The following LRP2 variants were observed in gnomAD, a reference collection of about 807,000 sequenced individuals.
LRP2 encodes LDL receptor related protein 2, also known as low-density lipoprotein receptor-related protein 2.
In LRP2, 172 loss-of-function variants were observed where a neutral mutation model predicts 531.0. The observed-to-expected ratio is 0.32, with a 90% CI of 0.29 to 0.37. The LOEUF is 0.37. LRP2 is among the 10% of genes least tolerant of loss of function. The probability of loss-of-function intolerance (pLI) is 1.00; values close to 1 mark genes in which losing one functional copy is unlikely to be tolerated. For missense variants in LRP2, 5,167 were observed against 5,868.3 expected, an observed-to-expected ratio of 0.88 and a Z score of 3.90; for synonymous variants, 1,992 against 2,027.6, an observed-to-expected ratio of 0.98 and a Z score of 0.47.
chr2:169,195,216 T>C (rs1687966227), intron 46 of LRP2, among the ~76,000 whole-genome samples: 1 of 152,166 alleles, frequency 6.6e-6, no homozygotes, highest in African/African-American at 2.4e-5. Flanking sequence ...AAATATTCTT[T>C]GGCAGTGTAC....
intron 19 of LRP2, among the ~76,000 whole-genome samples, chr2:169,254,693 T>C (rs1334982938): frequency 6.7e-6 from 1 of 149,828 alleles, no homozygotes; most frequent in Non-Finnish European, 1.5e-5. Context: ...ATTATTGCTA[T>C]TTTGGGAATG....
intron 28 of LRP2, among the ~76,000 whole-genome samples, chr2:169,236,623 G>T (rs1388565892): frequency 3.9e-5 from 6 of 152,104 alleles, no homozygotes; most frequent in Non-Finnish European, 8.8e-5. Context: ...CAAACACATG[G>T]GAGAATTTCT....
rs746047600 is a variant in LRP2, at chr2:169,170,638, G to T, written c.11293C>A (p.Arg3765=). ...GGAATGCACTGCTGATTGACACATC[G>T]AAACTCGCTCTCTGTGCACTCCCGG... is the stretch of plus-strand genomic sequence containing the variant. The part of the protein sequence containing the change: ...APRECTESEF[R]CVNQQCIPSR... The change falls in exon 59 of 79, where the codon CGA becomes AGA. Residue 3765 remains arginine, a synonymous_variant. Transcript: ENST00000649046. 2 of 1,614,038 alleles carry T rather than the reference G, an allele frequency of 1.2e-6. No homozygotes were observed. Among genetic ancestry groups the T allele is most frequent in the Non-Finnish European group, 8.5e-7 (1 of 1,179,970 alleles).
At position 169,233,452 on chromosome 2, in the gene LRP2, G is replaced by A; in HGVS notation, c.5057C>T (p.Pro1686Leu). ...AGGATGAACCGCAACAATCCCAAGG[G>A]GCCATTGAATATTATACATTACAAC... ...QSVVMYNIQWPLGIVAVHPSK... is the reference protein window; with the variant it reads ...QSVVMYNIQWLLGIVAVHPSK... The change falls in exon 30 of 79, where the codon CCC (proline) becomes CTC (leucine). Residue 1686 changes from proline (P) to leucine (L), a missense_variant. Pro to Leu is a moderately conservative substitution (Grantham distance 98, BLOSUM62 -3). This residue lies in a region of LRP2 where 2,811 missense variants were observed against 3,058.0 expected (regional missense o/e 0.92). Transcript: ENST00000649046. 6.2e-7 allele frequency: 1 copy of A among 1,614,070 alleles called. No individual in the cohort carries two copies.
At chr2:169,232,571 T>C (rs116820041) in intron 30 of LRP2, among the ~76,000 whole-genome samples, 411 of 151,904 alleles carry the variant, frequency 2.7e-3, no homozygotes, top group African/African-American at 9.5e-3. Flanking sequence ...TTTCAGAACA[T>C]GAGGGTAAAG....
intron 4 of LRP2, among the ~76,000 whole-genome samples, chr2:169,295,129 A>C (rs569064686): frequency 6.6e-6 from 1 of 152,320 alleles, no homozygotes; most frequent in African/African-American, 2.4e-5. Flanking sequence ...GTACCACTGC[A>C]CAAGCTTGGA....
intron 9 of LRP2, among the ~76,000 whole-genome samples, chr2:169,285,150 A>C (rs1458808016): frequency 3.4e-5 from 4 of 116,008 alleles, no homozygotes; most frequent in African/African-American, 7.9e-5. Flanking sequence ...GTGTACTAAG[A>C]ATTAAAAAAA....
rs2105407572 is a variant in LRP2, at chr2:169,257,203, C to T, written c.2560G>A (p.Ala854Thr). 1.2e-6 allele frequency: 2 copies of T among 1,612,780 alleles called. No homozygotes were observed. Among genetic ancestry groups the T allele is most frequent in the Middle Eastern group, 1.7e-4 (1 of 6,048 alleles). ...DWFRPAKIMR[A>T]WSDGSHLLPV... ...AAGAGGTGAGATCCGTCACTCCATGCTCTCATAATTTTAGCAGGACGGAAC... is the reference window on the plus strand; with the variant it reads ...AAGAGGTGAGATCCGTCACTCCATGTTCTCATAATTTTAGCAGGACGGAAC... Residue 854 changes from alanine to threonine, a missense_variant, in exon 18 of 79, where the codon GCA becomes ACA. By Grantham distance (58) the Ala-to-Thr change is moderately conservative. Around this residue, in one of 6 missense-constraint regions of LRP2, gnomAD observed 2,811 missense variants for 3,058.0 expected, o/e 0.92. Coordinates refer to ENST00000649046, the MANE Select transcript of LRP2 (RefSeq NM_004525.3).
At chr2:169,246,603 A>G (rs1690014227) in intron 21 of LRP2, 102 bp downstream of exon 21, 2 of 1,358,736 alleles carry the variant, frequency 1.5e-6, no homozygotes, top group African/African-American at 2.9e-5. Context: ...ATTCTAAAAG[A>G]TATTTTTCCC....
chr2:169,353,189 C>T (rs1032491160), intron 1 of LRP2, among the ~76,000 whole-genome samples: 4 of 152,104 alleles, frequency 2.6e-5, no homozygotes, highest in African/African-American at 9.7e-5. Flanking sequence ...GTCTAGGGTC[C>T]TTAGAAATTC....
At chr2:169,215,808 C>CAT (rs1005424607) in intron 35 of LRP2, among the ~76,000 whole-genome samples, 101 of 144,724 alleles carry the variant, frequency 7.0e-4, no homozygotes, top group African/African-American at 2.2e-3. Context: ...TTCTATATAC[C>CAT]ATATAGTATA....
chr2:169,299,107 GAA>G (rs1302371228), intron 4 of LRP2, among the ~76,000 whole-genome samples: 11 of 43,602 alleles, frequency 2.5e-4, no homozygotes, highest in East Asian at 6.1e-4. Context: ...AAGAAAGAAA[GAA>G]AGAAAGAAAG....
rs1255038536 is a variant in LRP2, at chr2:169,362,433, C to T, written c.-34G>A. ...CGGTCCCCGGCCTCGCCGTTCCTTC[C>T]CCGGGAGGTGGGCGCGCGTAGCACA... On this transcript the variant is annotated 5_prime_UTR_variant, in exon 1 of 79. Coordinates refer to ENST00000649046, the MANE Select transcript of LRP2 (RefSeq NM_004525.3). 17 of 1,537,032 alleles carry T rather than the reference C, an allele frequency of 1.1e-5. No homozygotes were observed. Among genetic ancestry groups the T allele is most frequent in the Non-Finnish European group, 1.5e-5 (17 of 1,141,048 alleles).
chr2:169,220,813 G>A (rs965033503), intron 33 of LRP2, among the ~76,000 whole-genome samples: 2 of 152,080 alleles, frequency 1.3e-5, no homozygotes, highest in African/African-American at 4.8e-5. Flanking sequence ...TAAAATTTCA[G>A]GAGGGAACAT....
chr2:169,323,365 C>T (rs1436426963), intron 1 of LRP2, among the ~76,000 whole-genome samples: 1 of 152,188 alleles, frequency 6.6e-6, no homozygotes, highest in Non-Finnish European at 1.5e-5. Flanking sequence ...GGTGACCTCT[C>T]AGCCATCAGC....
chr2:169,318,282 A>G (rs774798370), intron 3 of LRP2, among the ~76,000 whole-genome samples: 4 of 152,036 alleles, frequency 2.6e-5, no homozygotes, highest in East Asian at 3.9e-4. Flanking sequence ...AGCTCTCCCT[A>G]TGGTGGCTGT....
intron 65 of LRP2, among the ~76,000 whole-genome samples, chr2:169,155,732 C>G (rs779793026): frequency 6.6e-6 from 1 of 152,120 alleles, no homozygotes; most frequent in Non-Finnish European, 1.5e-5. Flanking sequence ...AAACGTAAAA[C>G]TCATGATTGA....
At chr2:169,190,050 T>A (rs1687777580) in intron 48 of LRP2, among the ~76,000 whole-genome samples, 1 of 152,204 alleles carries the variant, frequency 6.6e-6, no homozygotes, top group South Asian at 2.1e-4. Context: ...GCTACCATTC[T>A]TGTGCCTAGA....
At chr2:169,269,896 A>T (rs1380275651) in intron 16 of LRP2, among the ~76,000 whole-genome samples, 1 of 152,236 alleles carries the variant, frequency 6.6e-6, no homozygotes, top group Non-Finnish European at 1.5e-5. Context: ...AAAGAACTTA[A>T]ACAAATTTAC....
Sources: gnomAD v4.1 joint callset for allele counts (sites outside exome capture counted in the v4.1 genomes callset) on GRCh38, gnomAD v4.1.1 for gene constraint, gnomAD v4.1.1 regional missense constraint, MANE v1.5 for transcripts, NCBI Gene and HGNC (gene_info 2026-07-23, HGNC 2026-07-21) for gene names.